ADGRD1: variants seen among roughly 807,000 people sequenced by gnomAD.
ADGRD1 encodes the protein G-protein coupled receptor 133.
In ADGRD1, 77 loss-of-function variants were observed where a neutral mutation model predicts 113.4. The ratio of observed to expected loss-of-function variants is 0.68; its 90% CI spans 0.57 to 0.82. The LOEUF is 0.82. Among genes scored for constraint, ADGRD1 ranks in the 40% least tolerant of loss-of-function variants. The pLI, the probability that ADGRD1 is intolerant of heterozygous loss-of-function variation, is 0.00. For synonymous variants in ADGRD1, 474 were observed against 475.0 expected, an observed-to-expected ratio of 1.00 and a Z score of 0.03; for missense variants, 1,036 against 1,139.1, an observed-to-expected ratio of 0.91 and a Z score of 1.30.
intron 7 of ADGRD1, 157 bp downstream of exon 7, chr12:130,991,235 T>G: frequency 1.7e-6 from 1 of 585,326 alleles, no homozygotes; most frequent in Non-Finnish European, 3.0e-6. Context: ...CCAACTGCAG[T>G]ACTAATTCTT....
At chr12:131,138,587 A>ACTGTGCC (rs1005199370) in intron 24 of ADGRD1, among the ~76,000 whole-genome samples, 20 of 152,144 alleles carry the variant, frequency 1.3e-4, no homozygotes, top group African/African-American at 4.8e-4. Context: ...TAGGGTTCTC[A>ACTGTGCC]CTGTGCCGCT....
chr12:131,082,785 C>T (rs183414548), intron 14 of ADGRD1, among the ~76,000 whole-genome samples: 152 of 152,342 alleles, frequency 1.0e-3, no homozygotes, highest in African/African-American at 3.6e-3. Context: ...TTTTGCTCCT[C>T]TCAGTTGGTA....
chr12:130,965,566 T>G lies in ADGRD1; in HGVS notation c.104-897T>G, dbSNP rs1210254379. 1.3e-5 allele frequency among the ~76,000 whole-genome samples: 2 copies of G among 152,036 alleles called. No individual in the cohort carries two copies. Among genetic ancestry groups the G allele is most frequent in the Non-Finnish European group, 2.9e-5 (2 of 67,986 alleles). The stretch of plus-strand genomic sequence containing the variant: ...AATTGTATGCATAAAGCCACTCATG[T>G]CAGCGCCACCTGTACGAATAAGGAT... On this transcript the variant is annotated intron_variant, in intron 2 of 24. Transcript: ENST00000261654. This position sits in a 1 kb window ranked among gnomAD's most constrained non-coding sequence, Gnocchi z 4.8.
chr12:131,134,158 GACCCCC>G (rs1159655299), intron 21 of ADGRD1, among the ~76,000 whole-genome samples: 2 of 152,374 alleles, frequency 1.3e-5, no homozygotes, highest in South Asian at 4.1e-4. Flanking sequence ...GTGAGGGTGA[GACCCCC>G]ACAGAAGTGC....
chr12:131,119,562 C>G (rs562978840), intron 19 of ADGRD1, among the ~76,000 whole-genome samples: 1 of 152,164 alleles, frequency 6.6e-6, no homozygotes, highest in Non-Finnish European at 1.5e-5. Context: ...CACTCATGCC[C>G]GAAAGCCAGG....
At chr12:131,094,883 C>T (rs893368914) in intron 15 of ADGRD1, among the ~76,000 whole-genome samples, 2 of 152,214 alleles carry the variant, frequency 1.3e-5, no homozygotes, top group Non-Finnish European at 2.9e-5. Flanking sequence ...GAGAGCTGGG[C>T]TGGGGATGGG....
Position 130,992,673 on chromosome 12 carries a change from G to A in ADGRD1, c.966+281G>A, listed in dbSNP as rs7978487. On this transcript the variant is annotated intron_variant, in intron 8 of 24. Coordinates refer to ENST00000261654, the MANE Select transcript of ADGRD1 (RefSeq NM_198827.5). Reference sequence around the variant, plus strand: ...GTGCAGCCACCTGGCCCCCGCGGGCGTGTGGTTGGCAACTCCTAGACTAAA... The same window carrying A: ...GTGCAGCCACCTGGCCCCCGCGGGCATGTGGTTGGCAACTCCTAGACTAAA... 1.1e-3 allele frequency among the ~76,000 whole-genome samples: 171 copies of A among 152,356 alleles called. 1 individual carries two copies. The highest frequency in any genetic ancestry group is 3.4e-3 in the Admixed American group (52 of 15,308).
In ADGRD1 at chr12:130,960,273, GT is replaced by G. The variant is rs145205984; in HGVS notation, c.103+5616del. 5.1e-3 allele frequency among the ~76,000 whole-genome samples: 772 copies of G among 152,288 alleles called. 5 individuals carry two copies. The highest frequency in any genetic ancestry group is 0.017 in the African/African-American group (720 of 41,542). On this transcript the variant is annotated intron_variant, in intron 2 of 24. Transcript: ENST00000261654. ...CAGCTGGCTCCAGCCGTTTCCAGAA[GT>G]TTGGGGCGGCTCACTTCACCCGCTC...
In ADGRD1 at chr12:131,041,598, T is replaced by C. The variant is rs1333020896; in HGVS notation, c.1473+27258T>C. On this transcript the variant is annotated intron_variant, in intron 13 of 24. Transcript: ENST00000261654. The surrounding 1 kb of genome is among the most constrained non-coding windows in gnomAD (Gnocchi z 4.4). ...AAACAGGAAAGCAAACATCCAGTTA[T>C]AGCTGGAGAGGAAGGTGTGCAGCTT... is the stretch of plus-strand genomic sequence containing the variant. 6.6e-6 allele frequency among the ~76,000 whole-genome samples: 1 copy of C among 152,174 alleles called. No homozygotes were observed. Among genetic ancestry groups the C allele is most frequent in the Non-Finnish European group, 1.5e-5 (1 of 68,014 alleles).
Position 131,139,404 on chromosome 12 carries a change from CCT to C in ADGRD1, c.*142_*143del, listed in dbSNP as rs1042939418. ...TGTGGCCCCGAGACAGCTGTCCTCC[CCT>C]GTGACTCTGGCTGTCGGAGCACACT... On this transcript the variant is annotated 3_prime_UTR_variant, in exon 25 of 25. Coordinates refer to ENST00000261654, the MANE Select transcript of ADGRD1 (RefSeq NM_198827.5). The C allele has an allele frequency of 9.8e-5, 63 of 640,340 alleles. No homozygotes were observed. The highest frequency in any genetic ancestry group is 5.8e-5 in the Non-Finnish European group (21 of 359,038). 39.7% of individuals were successfully genotyped at this position (640,340 alleles called of 1,614,324 possible). A position where few individuals can be genotyped will look rare whatever the true frequency, so the allele number is the denominator to read the frequency against.
chr12:131,012,950 A>G (rs1186261756), intron 12 of ADGRD1, among the ~76,000 whole-genome samples: 1 of 152,122 alleles, frequency 6.6e-6, no homozygotes, highest in Non-Finnish European at 1.5e-5. Flanking sequence ...GTCACCCCAA[A>G]TTCAAATTCA....
intron 13 of ADGRD1, among the ~76,000 whole-genome samples, chr12:131,033,067 G>A (rs1033749806): frequency 1.6e-4 from 24 of 152,348 alleles, no homozygotes; most frequent in Middle Eastern, 6.8e-3. Flanking sequence ...TAAATGGCGC[G>A]CGACGAGCCC....
At chr12:130,957,244 A>G (rs1325371097) in intron 2 of ADGRD1, 1 of 150,006 alleles carries the variant, frequency 6.7e-6, no homozygotes, top group African/African-American at 2.6e-5. Context: ...CCACACAGTC[A>G]CAGACTACAC....
chr12:131,080,506 C>T (rs1218823858), intron 14 of ADGRD1, among the ~76,000 whole-genome samples: 1 of 151,992 alleles, frequency 6.6e-6, no homozygotes, highest in African/African-American at 2.4e-5. Context: ...AAGATTATGT[C>T]TTCTATATTC....
At chr12:131,104,783 A>G in intron 15 of ADGRD1, 48 bp from the exon 16 acceptor site, 2 of 1,350,964 alleles carry the variant, frequency 1.5e-6, no homozygotes, top group Non-Finnish European at 1.0e-6. Context: ...TCAGGCTCCG[A>G]TGGGGTGCCT....
At chr12:130,979,517 A>C (rs1257461251) in intron 4 of ADGRD1, among the ~76,000 whole-genome samples, 1 of 152,180 alleles carries the variant, frequency 6.6e-6, no homozygotes, top group Non-Finnish European at 1.5e-5. Flanking sequence ...ACGAATGACA[A>C]ATGTCTTCTT....
chr12:131,077,399 C>G (rs982763052), intron 14 of ADGRD1, among the ~76,000 whole-genome samples: 2 of 152,222 alleles, frequency 1.3e-5, no homozygotes, highest in South Asian at 4.1e-4. Flanking sequence ...CCCAGCATCT[C>G]CCATGTCCAC....
intron 13 of ADGRD1, among the ~76,000 whole-genome samples, chr12:131,052,822 G>A (rs554992487): frequency 1.3e-5 from 2 of 152,294 alleles, no homozygotes; most frequent in African/African-American, 4.8e-5. Flanking sequence ...GGAGCCGTAG[G>A]TAGCTCTGGA....
intron 20 of ADGRD1, among the ~76,000 whole-genome samples, chr12:131,124,329 A>C (rs1425837924): frequency 2.0e-5 from 3 of 152,252 alleles, no homozygotes; most frequent in African/African-American, 7.2e-5. Context: ...ATATAACTGA[A>C]TAAGAAAATG....
Sources: gnomAD v4.1 joint callset for allele counts (sites outside exome capture counted in the v4.1 genomes callset) on GRCh38, gnomAD v4.1.1 for gene constraint, Gnocchi (gnomAD v3.1) non-coding constraint, MANE v1.5 for transcripts, NCBI Gene and HGNC (gene_info 2026-07-23, HGNC 2026-07-21) for gene names.